Variants in SUSD1 observed in about 807,000 individuals in gnomAD.
SUSD1 encodes the protein sushi domain containing 1.
Under a neutral mutation model 86.9 loss-of-function variants are expected in SUSD1, and 65 were observed. The observed-to-expected ratio is 0.75, with a 90% CI of 0.61 to 0.92. SUSD1 has a LOEUF of 0.92. SUSD1 is among the 40% of genes least tolerant of loss of function. The pLI is 0.00. For missense variants in SUSD1, 850 were observed against 929.7 expected (o/e 0.91, Z 1.11); for synonymous variants, 346 against 350.0 (o/e 0.99, Z 0.13).
intron 3 of SUSD1, among the ~76,000 whole-genome samples, chr9:112,146,833 A>T (rs1160321195): frequency 6.6e-6 from 1 of 152,120 alleles, no homozygotes; most frequent in Non-Finnish European, 1.5e-5. Context: ...ATGAAGTCTC[A>T]TTATGTTGCC....
intron 10 of SUSD1, among the ~76,000 whole-genome samples, chr9:112,096,306 T>C (rs1326867411): frequency 6.6e-6 from 1 of 152,154 alleles, no homozygotes; most frequent in Non-Finnish European, 1.5e-5. Context: ...ATGACATTCC[T>C]AGAATATGCC....
At chr9:112,056,616 A>C (rs1828460475) in intron 14 of SUSD1, among the ~76,000 whole-genome samples, 1 of 152,232 alleles carries the variant, frequency 6.6e-6, no homozygotes, top group African/African-American at 2.4e-5. Flanking sequence ...ATCTCCTTTA[A>C]CATCCTAAAG....
chr9:112,170,828 G>C (rs1320095881), intron 1 of SUSD1, among the ~76,000 whole-genome samples: 4 of 151,836 alleles, frequency 2.6e-5, no homozygotes, highest in Non-Finnish European at 1.5e-5. Context: ...TCCTGCCTCA[G>C]CCTCTGGAGT....
chr9:112,130,015 A>G (rs1215611413), intron 5 of SUSD1, among the ~76,000 whole-genome samples: 2 of 152,202 alleles, frequency 1.3e-5, no homozygotes, highest in Non-Finnish European at 2.9e-5. Context: ...AAGCCCCACA[A>G]AAACCAGTAT....
chr9:112,141,933 T>C (rs545260424), intron 5 of SUSD1, among the ~76,000 whole-genome samples: 56 of 148,072 alleles, frequency 3.8e-4, no homozygotes, highest in African/African-American at 1.3e-3. Context: ...TGGGAATATA[T>C]ATATATATAT....
intron 2 of SUSD1, among the ~76,000 whole-genome samples, chr9:112,151,198 G>A (rs1460051769): frequency 6.6e-6 from 1 of 151,612 alleles, no homozygotes; most frequent in Non-Finnish European, 1.5e-5. Flanking sequence ...TCCCACCTTA[G>A]CCTCCCAAAG....
intron 1 of SUSD1, among the ~76,000 whole-genome samples, chr9:112,157,822 T>C (rs1032465621): frequency 1.9e-4 from 24 of 128,942 alleles, no homozygotes; most frequent in African/African-American, 6.7e-4. Context: ...CTTTCTTTCT[T>C]TCTTTTTTTT....
At chr9:112,110,448 G>A (rs997729615) in intron 8 of SUSD1, among the ~76,000 whole-genome samples, 4 of 151,904 alleles carry the variant, frequency 2.6e-5, no homozygotes, top group African/African-American at 9.7e-5. Context: ...CCAGGTTGGA[G>A]TGCAGTGGCA....
intron 11 of SUSD1, 132 bp downstream of exon 11, chr9:112,079,942 T>A: frequency 1.6e-6 from 1 of 613,598 alleles, no homozygotes; most frequent in South Asian, 1.8e-5. Flanking sequence ...TTCTTGCTTC[T>A]TGATGCAATT....
intron 1 of SUSD1, among the ~76,000 whole-genome samples, chr9:112,170,398 G>A (rs1241079926): frequency 1.3e-5 from 2 of 152,018 alleles, no homozygotes; most frequent in African/African-American, 4.8e-5. Flanking sequence ...TGAGCCAACA[G>A]GCCTGACTCT....
intron 10 of SUSD1, among the ~76,000 whole-genome samples, chr9:112,084,284 A>G (rs1480229299): frequency 6.6e-6 from 1 of 152,220 alleles, no homozygotes; most frequent in African/African-American, 2.4e-5. Flanking sequence ...AAATTAGTAT[A>G]CCTTTATGTG....
Position 112,157,514 on chromosome 9 carries a change from C to T in SUSD1, c.203G>A (p.Arg68Lys), listed in dbSNP as rs757065776. Residue 68 changes from arginine to lysine, a missense_variant, in exon 2 of 17, where the codon AGG (arginine) becomes AAG (lysine). Physicochemically the swap from Arg to Lys is conservative, Grantham distance 26 (BLOSUM62 2). Coordinates refer to ENST00000374270, the MANE Select transcript of SUSD1 (RefSeq NM_022486.5). The stretch of plus-strand genomic sequence containing the variant: ...TCAGAACTTACCAACACACTGAGTC[C>T]TCCCGTTCCCTACAAATCCATAGTT... ...ICNYGFVGNG[R>K]TQCVDKNECQ... 1.2e-6 allele frequency: 2 copies of T among 1,613,476 alleles called. No individual in the cohort carries two copies. Among genetic ancestry groups the T allele is most frequent in the South Asian group, 1.1e-5 (1 of 91,030 alleles).
chr9:112,070,319 T>C (rs1829211566), intron 12 of SUSD1, among the ~76,000 whole-genome samples: 1 of 152,174 alleles, frequency 6.6e-6, no homozygotes, highest in Admixed American at 6.5e-5. Flanking sequence ...TGCCTTATAT[T>C]TTAAACAGTC....
At chr9:112,048,044 C>G (rs918509892) in intron 15 of SUSD1, among the ~76,000 whole-genome samples, 1 of 152,184 alleles carries the variant, frequency 6.6e-6, no homozygotes, top group African/African-American at 2.4e-5. Flanking sequence ...TTCTGTTAAG[C>G]TGCACTCCTT....
intron 6 of SUSD1, 21 bp from the exon 7 acceptor site, chr9:112,112,889 CA>C: frequency 6.5e-7 from 1 of 1,539,004 alleles, no homozygotes; most frequent in Non-Finnish European, 9.0e-7. Flanking sequence ...AAAAGGCAGT[CA>C]ACTCACAAAA....
chr9:112,054,546 C>T (rs1828362660), intron 14 of SUSD1, among the ~76,000 whole-genome samples: 1 of 151,676 alleles, frequency 6.6e-6, no homozygotes, highest in African/African-American at 2.4e-5. Context: ...ATGATTGCAC[C>T]ACTGCACTCC....
intron 1 of SUSD1, among the ~76,000 whole-genome samples, chr9:112,162,765 C>T (rs1244618473): frequency 6.6e-6 from 1 of 152,148 alleles, no homozygotes; most frequent in Admixed American, 6.5e-5. Flanking sequence ...CCAAATGGCA[C>T]CAGAGATAAG....
At chr9:112,119,681 TA>T (rs2131673419) in intron 6 of SUSD1, among the ~76,000 whole-genome samples, 1 of 152,288 alleles carries the variant, frequency 6.6e-6, no homozygotes, top group African/African-American at 2.4e-5. Flanking sequence ...GATCTTGAGG[TA>T]AACCGACTCA....
At chr9:112,137,688 A>G (rs149752244) in intron 5 of SUSD1, 14 of 152,320 alleles carry the variant, frequency 9.2e-5, no homozygotes, top group Admixed American at 6.5e-4. Flanking sequence ...AGCCATGCAC[A>G]TCACTGGGGT....
Sources: gnomAD v4.1 joint callset for allele counts (sites outside exome capture counted in the v4.1 genomes callset) on GRCh38, gnomAD v4.1.1 for gene constraint, MANE v1.5 for transcripts, NCBI Gene and HGNC (gene_info 2026-07-23, HGNC 2026-07-21) for gene names.